CDH6: variants seen among roughly 807,000 people sequenced by gnomAD.
The protein encoded by CDH6 is cadherin-6.
CDH6 carries 31 observed loss-of-function variants against 78.0 expected under a neutral mutation model. The observed-to-expected ratio is 0.40, with a 90% CI of 0.30 to 0.54. The LOEUF (loss-of-function observed/expected upper bound fraction) is 0.54. Ranked by LOEUF, CDH6 falls within the 20% of genes least tolerant of loss-of-function variation. The pLI, the probability that CDH6 is intolerant of heterozygous loss-of-function variation, is 0.56. For synonymous variants in CDH6, 376 were observed against 368.8 expected (o/e 1.02, Z -0.23); for missense variants, 724 against 975.9 (o/e 0.74, Z 3.44).
intron 1 of CDH6, among the ~76,000 whole-genome samples, chr5:31,224,915 G>A (rs1741107239): frequency 6.6e-6 from 1 of 152,136 alleles, no homozygotes; most frequent in African/African-American, 2.4e-5. Flanking sequence ...CAAGTTTTCT[G>A]TATTGCTTAA....
At chr5:31,305,657 C>A (rs1466451479) in intron 7 of CDH6, among the ~76,000 whole-genome samples, 1 of 152,018 alleles carries the variant, frequency 6.6e-6, no homozygotes, top group African/African-American at 2.4e-5. Flanking sequence ...GGTTCCAGGC[C>A]CACCCCCATA....
Position 31,326,121 on chromosome 5 carries a change from T to A in CDH6, c.*2813T>A, listed in dbSNP as rs1738619570. The A allele has an allele frequency of 4.3e-6, 1 of 230,264 alleles. No homozygotes were observed. The highest frequency in any genetic ancestry group is 2.2e-5 in the African/African-American group (1 of 45,300). 14.3% of individuals were successfully genotyped at this position (230,264 alleles called of 1,614,324 possible). ...TCATTGTCTGTTTCCTAATTTTAGA[T>A]GTTGGTGATGGGAAAGATGGAAGGA... On this transcript the variant is annotated 3_prime_UTR_variant, in exon 12 of 12. Coordinates refer to ENST00000265071, the MANE Select transcript of CDH6 (RefSeq NM_004932.4).
chr5:31,279,921 GA>G (rs1561055413), intron 2 of CDH6, among the ~76,000 whole-genome samples: 1 of 152,206 alleles, frequency 6.6e-6, no homozygotes, highest in African/African-American at 2.4e-5. Flanking sequence ...TTAAAGCTAT[GA>G]TCTTGCTGAT....
At chr5:31,289,632 A>G (rs564812806) in intron 2 of CDH6, among the ~76,000 whole-genome samples, 1 of 152,200 alleles carries the variant, frequency 6.6e-6, no homozygotes, top group South Asian at 2.1e-4. Context: ...ACCCTCACCA[A>G]CATTGTTTGG....
chr5:31,288,575 C>T (rs554225443), intron 2 of CDH6, among the ~76,000 whole-genome samples: 9 of 152,238 alleles, frequency 5.9e-5, no homozygotes, highest in South Asian at 4.2e-4. Flanking sequence ...GACATCTATA[C>T]GTATACATAG....
At chr5:31,214,880 T>A (rs1740821869) in intron 1 of CDH6, among the ~76,000 whole-genome samples, 1 of 152,198 alleles carries the variant, frequency 6.6e-6, no homozygotes, top group Non-Finnish European at 1.5e-5. Flanking sequence ...TGGAAATGGA[T>A]TAAGTTGCAT....
intron 1 of CDH6, among the ~76,000 whole-genome samples, chr5:31,254,131 G>A (rs1290487115): frequency 6.6e-6 from 1 of 152,112 alleles, no homozygotes; most frequent in Non-Finnish European, 1.5e-5. Context: ...TATCCACGCT[G>A]TCTACACGAC....
intron 5 of CDH6, 145 bp from the exon 6 acceptor site, chr5:31,301,966 C>A: frequency 2.0e-6 from 1 of 508,010 alleles, no homozygotes; most frequent in Non-Finnish European, 3.5e-6. Flanking sequence ...ATAAGAAGAA[C>A]AGGCCACCAT....
At chr5:31,270,862 T>C (rs1176565566) in intron 2 of CDH6, among the ~76,000 whole-genome samples, 1 of 151,984 alleles carries the variant, frequency 6.6e-6, no homozygotes, top group East Asian at 1.9e-4. Flanking sequence ...CACCAGGCTA[T>C]CCCTGAAAAT....
At position 31,252,330 on chromosome 5, in the gene CDH6, T is replaced by G. The variant is rs556725547; in HGVS notation, c.-128-15016T>G. On this transcript the variant is annotated intron_variant, in intron 1 of 11. Coordinates refer to ENST00000265071, the MANE Select transcript of CDH6 (RefSeq NM_004932.4). Reference sequence around the variant, plus strand: ...TTTAAGGTGTATTATGTGTGTGTGGTGTGTGTGTGTGTGTGTGTGTGTATT... The same window carrying G: ...TTTAAGGTGTATTATGTGTGTGTGGGGTGTGTGTGTGTGTGTGTGTGTATT... 7.8e-3 allele frequency among the ~76,000 whole-genome samples: 1,166 copies of G among 149,936 alleles called. 11 individuals are homozygous for G. Among genetic ancestry groups the G allele is most frequent in the Middle Eastern group, 0.017 (5 of 294 alleles).
At chr5:31,267,026 A>G (rs1466804997) in intron 1 of CDH6, among the ~76,000 whole-genome samples, 1 of 152,220 alleles carries the variant, frequency 6.6e-6, no homozygotes, top group Non-Finnish European at 1.5e-5. Flanking sequence ...CATTTTTTCT[A>G]CCAGATCTCA....
At chr5:31,222,618 C>T (rs951785327) in intron 1 of CDH6, among the ~76,000 whole-genome samples, 2 of 152,088 alleles carry the variant, frequency 1.3e-5, no homozygotes, top group African/African-American at 4.8e-5. Flanking sequence ...TCACTTAATC[C>T]TCTTAATATC....
chr5:31,252,131 C>A (rs1741926776), intron 1 of CDH6, among the ~76,000 whole-genome samples: 1 of 152,120 alleles, frequency 6.6e-6, no homozygotes, highest in Non-Finnish European at 1.5e-5. Flanking sequence ...CTGAGGGTGG[C>A]TGTGATTCAA....
chr5:31,213,858 C>A (rs1740787470), intron 1 of CDH6, among the ~76,000 whole-genome samples: 1 of 152,092 alleles, frequency 6.6e-6, no homozygotes, highest in South Asian at 2.1e-4. Context: ...CATAACATCC[C>A]CCCTCCTGGC....
chr5:31,306,721 G>A (rs944508537), intron 7 of CDH6, among the ~76,000 whole-genome samples: 1 of 152,116 alleles, frequency 6.6e-6, no homozygotes, highest in African/African-American at 2.4e-5. Context: ...AGGCACTAGG[G>A]AATACAGCCC....
In CDH6 at chr5:31,256,358, T is replaced by C. The variant is rs116484766; in HGVS notation, c.-128-10988T>C. ...TTCTTCAGACCTTGGGGTCTGTAAC[T>C]GAGCTGGCCAAGGGTGGGAACAGAA... On this transcript the variant is annotated intron_variant, in intron 1 of 11. Coordinates refer to ENST00000265071, the MANE Select transcript of CDH6 (RefSeq NM_004932.4). Among the ~76,000 whole-genome samples the C allele has an allele frequency of 9.2e-3, 1,396 of 152,322 alleles. 23 individuals carry two copies. Among genetic ancestry groups the C allele is most frequent in the African/African-American group, 0.032 (1,317 of 41,570 alleles).
At chr5:31,240,533 T>G (rs573400692) in intron 1 of CDH6, among the ~76,000 whole-genome samples, 2 of 152,102 alleles carry the variant, frequency 1.3e-5, no homozygotes, top group Non-Finnish European at 2.9e-5. Flanking sequence ...GCCAAACCAG[T>G]GACACCATCA....
rs1270097287 is a variant in CDH6, at chr5:31,257,966, A to G, written c.-128-9380A>G. Among the ~76,000 whole-genome samples the G allele has an allele frequency of 3.3e-5, 5 of 152,312 alleles. No individual in the cohort carries two copies. In the East Asian group the frequency reaches 7.7e-4, roughly 24 times the overall value. ...CACTCACTAGCTATGTACTCTGGGCAAAGTATTCAGTCCCTCTAAGTCTGT... is the reference window on the plus strand; with the variant it reads ...CACTCACTAGCTATGTACTCTGGGCGAAGTATTCAGTCCCTCTAAGTCTGT... On this transcript the variant is annotated intron_variant, in intron 1 of 11. Coordinates refer to ENST00000265071, the MANE Select transcript of CDH6 (RefSeq NM_004932.4).
At chr5:31,238,822 T>C (rs1322553648) in intron 1 of CDH6, among the ~76,000 whole-genome samples, 1 of 152,264 alleles carries the variant, frequency 6.6e-6, no homozygotes, top group Non-Finnish European at 1.5e-5. Context: ...CTCTTCTCTA[T>C]ACTGTGTGTA....
Sources: gnomAD v4.1 joint callset for allele counts (sites outside exome capture counted in the v4.1 genomes callset) on GRCh38, gnomAD v4.1.1 for gene constraint, MANE v1.5 for transcripts, NCBI Gene and HGNC (gene_info 2026-07-23, HGNC 2026-07-21) for gene names.